Variants in CDK5RAP2 observed in about 807,000 individuals in gnomAD.
The protein encoded by CDK5RAP2 is CDK5 regulatory subunit associated protein 2.
CDK5RAP2 carries 147 observed loss-of-function variants against 232.9 expected under a neutral mutation model. The observed-to-expected ratio is 0.63, with a 90% CI of 0.55 to 0.72. The LOEUF (loss-of-function observed/expected upper bound fraction) is 0.72, where lower values mean the gene tolerates loss of function less well. Ranked by LOEUF, CDK5RAP2 falls within the 30% of genes least tolerant of loss-of-function variation. The probability of loss-of-function intolerance (pLI) is 0.00; values close to 1 mark genes in which losing one functional copy is unlikely to be tolerated. For synonymous variants in CDK5RAP2, 833 were observed against 833.7 expected (o/e 1.00, Z 0.01); for missense variants, 2,195 against 2,231.5 (o/e 0.98, Z 0.33).
chr9:120,455,721 A>G (rs2036733289), intron 20 of CDK5RAP2, among the ~76,000 whole-genome samples: 2 of 151,496 alleles, frequency 1.3e-5, no homozygotes, highest in South Asian at 4.2e-4. Flanking sequence ...TGGGCAACAG[A>G]GCCAAACCTT....
chr9:120,451,744 T>C (rs1277233508), intron 21 of CDK5RAP2, among the ~76,000 whole-genome samples: 1 of 151,974 alleles, frequency 6.6e-6, no homozygotes, highest in Admixed American at 6.6e-5. Context: ...ACCAGCTAAA[T>C]CACTCTGGAC....
At chr9:120,471,977 T>C (rs1482638329) in intron 15 of CDK5RAP2, 99 bp from the exon 16 acceptor site, 10 of 1,493,670 alleles carry the variant, frequency 6.7e-6, no homozygotes, top group Admixed American at 1.7e-5. Flanking sequence ...GTCATTTGTG[T>C]TTTTTTCTGG....
intron 11 of CDK5RAP2, among the ~76,000 whole-genome samples, chr9:120,522,488 C>T (rs1356274405): frequency 1.3e-5 from 2 of 152,152 alleles, no homozygotes; most frequent in South Asian, 2.1e-4. Flanking sequence ...ATATGCATTA[C>T]AGTCAAGGTA....
intron 3 of CDK5RAP2, among the ~76,000 whole-genome samples, chr9:120,561,515 G>A (rs145142913): frequency 6.6e-5 from 10 of 151,946 alleles, no homozygotes; most frequent in Admixed American, 3.9e-4. Flanking sequence ...ACCCAAGCTG[G>A]GTCACAACTC....
At chr9:120,423,513 T>C (rs2034696686) in intron 25 of CDK5RAP2, among the ~76,000 whole-genome samples, 1 of 152,074 alleles carries the variant, frequency 6.6e-6, no homozygotes, top group South Asian at 2.1e-4. Flanking sequence ...GAAAACAAAA[T>C]AAAGCTCAGA....
chr9:120,418,879 T>A (rs1436952268), intron 27 of CDK5RAP2, among the ~76,000 whole-genome samples: 1 of 152,220 alleles, frequency 6.6e-6, no homozygotes, highest in Non-Finnish European at 1.5e-5. Flanking sequence ...TTATCTCTTT[T>A]ACACACTGCA....
At chr9:120,460,881 A>G in intron 18 of CDK5RAP2, 2 of 720,796 alleles carry the variant, frequency 2.8e-6, no homozygotes, top group South Asian at 3.8e-5. Flanking sequence ...TGGATCAAGC[A>G]TAATTTAAGG....
chr9:120,422,500 T>G (rs1412026742), intron 26 of CDK5RAP2, among the ~76,000 whole-genome samples, 193 bp downstream of exon 26: 1 of 152,188 alleles, frequency 6.6e-6, no homozygotes, highest in Non-Finnish European at 1.5e-5. Flanking sequence ...AATGAATGAA[T>G]GAAAGCAACA....
chr9:120,422,664 A>G lies in CDK5RAP2; in HGVS notation c.4004+29T>C, dbSNP rs1054752762. On this transcript the variant is annotated intron_variant, in intron 26 of 37. Transcript: ENST00000349780. ...AAATCAGACCTAGAAAGTCCTGGGA[A>G]GTCTTCTTAACAAATGTTACACACT... The G allele has an allele frequency of 2.5e-6, 4 of 1,576,264 alleles. No homozygotes were observed. The African/African-American group carries it at 4.0e-5, about 16-fold the overall frequency.
At chr9:120,432,026 T>A (rs2035312751) in intron 25 of CDK5RAP2, among the ~76,000 whole-genome samples, 2 of 152,168 alleles carry the variant, frequency 1.3e-5, no homozygotes, top group South Asian at 4.1e-4. Context: ...CTTATAAGCA[T>A]TAAGAAACAA....
intron 1 of CDK5RAP2, among the ~76,000 whole-genome samples, chr9:120,575,061 T>G (rs983333327): frequency 9.9e-5 from 15 of 151,992 alleles, no homozygotes; most frequent in African/African-American, 1.9e-4. Context: ...TTTTGTTTTG[T>G]TTTGGTTTTT....
intron 16 of CDK5RAP2, 120 bp from the exon 17 acceptor site, chr9:120,470,340 G>A (rs2037626346): frequency 1.1e-5 from 7 of 612,620 alleles, no homozygotes; most frequent in Admixed American, 6.0e-5. Context: ...GGGGGAGGTG[G>A]GGCGGAAGGG....
At chr9:120,506,664 G>A (rs1564311917) in intron 12 of CDK5RAP2, among the ~76,000 whole-genome samples, 3 of 152,168 alleles carry the variant, frequency 2.0e-5, no homozygotes, top group Non-Finnish European at 4.4e-5. Flanking sequence ...ATGACTTTGA[G>A]GGATTCAAGA....
intron 18 of CDK5RAP2, among the ~76,000 whole-genome samples, chr9:120,465,298 T>C (rs1215202315): frequency 6.6e-6 from 1 of 152,184 alleles, no homozygotes; most frequent in Non-Finnish European, 1.5e-5. Context: ...ATCACTCCTC[T>C]ATATCGATTT....
At chr9:120,509,231 T>C (rs1328444619) in intron 12 of CDK5RAP2, among the ~76,000 whole-genome samples, 1 of 152,208 alleles carries the variant, frequency 6.6e-6, no homozygotes, top group African/African-American at 2.4e-5. Context: ...ATAGCTTTGG[T>C]GACTTGGCTG....
chr9:120,406,501 G>A (rs1818044411), intron 32 of CDK5RAP2: 1 of 156,812 alleles, frequency 6.4e-6, no homozygotes, highest in Admixed American at 6.1e-5. Context: ...ACCCTGGGTG[G>A]GCGGGTGGTA....
chr9:120,496,387 G>T (rs2039240160), intron 12 of CDK5RAP2, among the ~76,000 whole-genome samples: 7 of 146,784 alleles, frequency 4.8e-5, no homozygotes. Flanking sequence ...GGTGGGGGGG[G>T]GGTCAGCCCC....
chr9:120,433,851 G>A (rs915219681), intron 25 of CDK5RAP2, among the ~76,000 whole-genome samples: 8 of 152,164 alleles, frequency 5.3e-5, no homozygotes, highest in African/African-American at 1.9e-4. Context: ...ACTCTCCACA[G>A]CTGTAACACT....
intron 11 of CDK5RAP2, among the ~76,000 whole-genome samples, chr9:120,523,377 A>G (rs564039027): frequency 1.3e-5 from 2 of 152,372 alleles, no homozygotes; most frequent in East Asian, 3.9e-4. Flanking sequence ...AATGGAAAAC[A>G]TAATTTTCCT....
Sources: allele counts gnomAD v4.1 joint callset (sites outside exome capture counted in the v4.1 genomes callset), GRCh38; gene constraint gnomAD v4.1.1; transcripts MANE v1.5; gene names NCBI Gene and HGNC (gene_info 2026-07-23, HGNC 2026-07-21).